Variants in RPS6KA3 observed in about 807,000 individuals in gnomAD.
The protein encoded by RPS6KA3 is ribosomal protein S6 kinase A3, also known as ribosomal protein S6 kinase alpha-3.
RPS6KA3 carries 4 observed loss-of-function variants against 67.2 expected under a neutral mutation model. The observed-to-expected ratio is 0.06, with a 90% CI of 0.03 to 0.14. The LOEUF (loss-of-function observed/expected upper bound fraction) is 0.14. Among genes scored for constraint, RPS6KA3 ranks in the 10% least tolerant of loss-of-function variants. RPS6KA3 has a pLI of 1.00. For missense variants in RPS6KA3, 204 were observed against 559.0 expected, an observed-to-expected ratio of 0.36 and a Z score of 6.40; for synonymous variants, 182 against 183.7, an observed-to-expected ratio of 0.99 and a Z score of 0.07.
At chrX:20,200,393 T>A (rs1366548047) in intron 4 of RPS6KA3, among the ~76,000 whole-genome samples, 1 of 111,496 alleles carries the variant, frequency 9.0e-6, no homozygotes, top group Non-Finnish European at 1.9e-5. Context: ...GGCAGAAGAG[T>A]GGGCAAAGCA....
chrX:20,175,376 C>G, intron 13 of RPS6KA3, 88 bp from the exon 14 acceptor site: 1 of 973,738 alleles, frequency 1.0e-6, no homozygotes, highest in Non-Finnish European at 1.4e-6. Flanking sequence ...TTCACTTATT[C>G]TGGAATTCTA....
At chrX:20,204,158 G>C in intron 3 of RPS6KA3, 55 bp from the exon 4 acceptor site, 1 of 741,847 alleles carries the variant, frequency 1.3e-6, no homozygotes, top group Admixed American at 2.2e-5. Flanking sequence ...CTATATCCTT[G>C]TTAAAATAAG....
intron 20 of RPS6KA3, among the ~76,000 whole-genome samples, chrX:20,158,980 GTC>G (rs2067248314): frequency 8.9e-6 from 1 of 111,916 alleles, no homozygotes; most frequent in Non-Finnish European, 1.9e-5. Context: ...AATTTATAAT[GTC>G]CAAATCTGCA....
Position 20,177,101 on chromosome X carries a change from CATA to C in RPS6KA3, c.846-20_846-18del. ...AGTTTGGCTCTAAATAATAAATCCACATAATATTTTATTTTTTGGAGGCATCTG... is the reference window on the plus strand; with the variant it reads ...AGTTTGGCTCTAAATAATAAATCCACATATTTTATTTTTTGGAGGCATCTG... On this transcript the variant is annotated intron_variant, in intron 10 of 21. Coordinates refer to ENST00000379565, the MANE Select transcript of RPS6KA3 (RefSeq NM_004586.3). 1.8e-6 allele frequency: 2 copies of C among 1,115,296 alleles called. No homozygotes were observed. The highest frequency in any genetic ancestry group is 2.5e-6 in the Non-Finnish European group (2 of 810,180). 91.9% of individuals were successfully genotyped at this position (1,115,296 alleles called of 1,213,427 possible).
intron 1 of RPS6KA3, among the ~76,000 whole-genome samples, chrX:20,249,626 A>AT (rs769002088): frequency 9.0e-6 from 1 of 110,771 alleles, no homozygotes; most frequent in East Asian, 2.8e-4. Flanking sequence ...TCTTTTGTCT[A>AT]TTTTTTGCCT....
intron 10 of RPS6KA3, among the ~76,000 whole-genome samples, chrX:20,179,013 G>A (rs1467555377): frequency 9.0e-6 from 1 of 110,839 alleles, no homozygotes; most frequent in African/African-American, 3.3e-5. Context: ...ACTTAGGAAT[G>A]TGGTCAGATA....
chrX:20,200,957 A>G lies in RPS6KA3; in HGVS notation c.325+3065T>C, dbSNP rs368196185. 1.1e-4 allele frequency among the ~76,000 whole-genome samples: 12 copies of G among 111,498 alleles called. No individual in the cohort carries two copies. In the South Asian group the frequency reaches 3.8e-3, roughly 35 times the overall value. ...CTCAGCCTCCCAAAGTGCTGAAATT[A>G]TAGGAATGAGCCACTATGCCTGGTC... On this transcript the variant is annotated intron_variant, in intron 4 of 21. Transcript: ENST00000379565.
At chrX:20,256,652 T>C (rs2070075445) in intron 1 of RPS6KA3, among the ~76,000 whole-genome samples, 1 of 112,077 alleles carries the variant, frequency 8.9e-6, no homozygotes, top group Non-Finnish European at 1.9e-5. Context: ...AAAAGCCTAT[T>C]TAACCCACTG....
intron 15 of RPS6KA3, among the ~76,000 whole-genome samples, chrX:20,171,617 T>A (rs1201784627): frequency 2.5e-4 from 28 of 111,654 alleles, no homozygotes; most frequent in African/African-American, 9.1e-4. Context: ...GTTTTATGAA[T>A]CATTTAAGTT....
intron 15 of RPS6KA3, among the ~76,000 whole-genome samples, chrX:20,170,248 G>C (rs2067540234): frequency 9.0e-6 from 1 of 111,616 alleles, no homozygotes; most frequent in African/African-American, 3.3e-5. Context: ...TCATTCAAAG[G>C]GTAGTCTGAA....
In RPS6KA3 at chrX:20,156,094, T is replaced by C. The variant is rs935931603; in HGVS notation, c.2100+15A>G. 2 of 1,210,023 alleles carry C rather than the reference T, an allele frequency of 1.7e-6. No homozygotes were observed. Among genetic ancestry groups the C allele is most frequent in the African/African-American group, 1.7e-5 (1 of 57,539 alleles). ...GAGGACCTGTGGAAAACAGTGACTG[T>C]ATGGGGCTGCTCACCTTTACTAGAT... On this transcript the variant is annotated intron_variant, in intron 21 of 21. Transcript: ENST00000379565.
chrX:20,208,492 G>A (rs1446181403), intron 3 of RPS6KA3, among the ~76,000 whole-genome samples: 1 of 111,444 alleles, frequency 9.0e-6, no homozygotes, highest in African/African-American at 3.3e-5. Context: ...GAGGCAAGTG[G>A]ATCGCTTTGA....
chrX:20,176,046 T>C (rs373928521), intron 13 of RPS6KA3, among the ~76,000 whole-genome samples: 1 of 110,786 alleles, frequency 9.0e-6, no homozygotes, highest in East Asian at 2.8e-4. Context: ...AATTTTGGTA[T>C]TTTTAGTAGA....
At chrX:20,255,129 CATAAA>C (rs1473128496) in intron 1 of RPS6KA3, among the ~76,000 whole-genome samples, 4 of 111,977 alleles carry the variant, frequency 3.6e-5, no homozygotes, top group Non-Finnish European at 7.5e-5. Flanking sequence ...GTGGTATATC[CATAAA>C]ATAGATTATT....
At chrX:20,173,182 C>T (rs1407942671) in intron 14 of RPS6KA3, among the ~76,000 whole-genome samples, 10 of 111,013 alleles carry the variant, frequency 9.0e-5, no homozygotes, top group Non-Finnish European at 1.7e-4. Context: ...TATTCCAGTC[C>T]CCAGTCGGCT....
In RPS6KA3 at chrX:20,211,662, T is replaced by C. The variant is rs376250310; in HGVS notation, c.127-2258A>G. Among the ~76,000 whole-genome samples, 88 of 111,773 alleles carry C rather than the reference T, an allele frequency of 7.9e-4. 1 individual carries two copies. Among genetic ancestry groups the C allele is most frequent in the African/African-American group, 2.8e-3 (87 of 30,808 alleles). On this transcript the variant is annotated intron_variant, in intron 2 of 21. Transcript: ENST00000379565. ...TAAAGAAGTTCTCTTCTTTTCTTTT[T>C]CTATACCCCAAAGTGCTGTCACGTC...
At position 20,173,275 on chromosome X, in the gene RPS6KA3, A is replaced by G. The variant is rs779449476; in HGVS notation, c.1228-404T>C. Among the ~76,000 whole-genome samples the G allele has an allele frequency of 3.6e-5, 4 of 112,185 alleles. No individual in the cohort carries two copies. In the South Asian group the frequency reaches 1.1e-3, roughly 31 times the overall value. ...AGGATTTAGGAGGATTCAGAATTAG[A>G]ATATCTGAATTCTTGTCTCAGGTAC... On this transcript the variant is annotated intron_variant, in intron 14 of 21. Coordinates refer to ENST00000379565, the MANE Select transcript of RPS6KA3 (RefSeq NM_004586.3).
chrX:20,225,932 T>C (rs2069109484), intron 2 of RPS6KA3, among the ~76,000 whole-genome samples: 1 of 111,921 alleles, frequency 8.9e-6, no homozygotes, highest in South Asian at 3.7e-4. Flanking sequence ...ATGCTTGTAA[T>C]CCCAGCACTT....
At chrX:20,240,778 A>G (rs938015955) in intron 1 of RPS6KA3, 2 of 111,247 alleles carry the variant, frequency 1.8e-5, no homozygotes, top group African/African-American at 6.5e-5. Context: ...TCAGGGCCTC[A>G]AAGAAAATTT....
Sources: allele counts gnomAD v4.1 joint callset (sites outside exome capture counted in the v4.1 genomes callset), GRCh38; gene constraint gnomAD v4.1.1; transcripts MANE v1.5; gene names NCBI Gene and HGNC (gene_info 2026-07-23, HGNC 2026-07-21).